Variants in NGLY1 observed in about 807,000 individuals in gnomAD.
NGLY1 encodes peptide-N(4)-(N-acetyl-beta-glucosaminyl)asparagine amidase.
NGLY1 carries 68 observed loss-of-function variants against 84.6 expected under a neutral mutation model. That is an observed-to-expected ratio of 0.80 (90% CI 0.66 to 0.98). The LOEUF is 0.98. Among genes scored for constraint, NGLY1 ranks in the 50% least tolerant of loss-of-function variants. The pLI is 0.00. For missense variants in NGLY1, 779 were observed against 770.2 expected (o/e 1.01, Z -0.14); for synonymous variants, 280 against 275.2 (o/e 1.02, Z -0.17).
Position 25,719,408 on chromosome 3 carries a change from C to G in NGLY1, c.*52G>C. ...ACTAAGCATGCACTGAACCAACAGA[C>G]TACTTCAGTAAGTCCTTGATTATTG... On this transcript the variant is annotated 3_prime_UTR_variant, in exon 12 of 12. Transcript: ENST00000280700. 1 of 1,525,092 alleles carries G rather than the reference C, an allele frequency of 6.6e-7. No homozygotes were observed. The highest frequency in any genetic ancestry group is 1.4e-5 in the African/African-American group (1 of 73,122). 94.5% of individuals were successfully genotyped at this position (1,525,092 alleles called of 1,614,324 possible). A position where few individuals can be genotyped will look rare whatever the true frequency, so the allele number is the denominator to read the frequency against.
At chr3:25,755,800 C>G in intron 3 of NGLY1, 1 of 594,642 alleles carries the variant, frequency 1.7e-6, no homozygotes, top group Non-Finnish European at 2.9e-6. Flanking sequence ...TTAGTTAAAA[C>G]TGTTAGATCT....
intron 3 of NGLY1, among the ~76,000 whole-genome samples, chr3:25,760,193 T>C (rs1313205582): frequency 6.6e-6 from 1 of 152,134 alleles, no homozygotes; most frequent in Non-Finnish European, 1.5e-5. Context: ...CACCCATAAT[T>C]TCATCACTCA....
Position 25,733,632 on chromosome 3 carries a change from A to T in NGLY1, c.1260+240T>A, listed in dbSNP as rs1488991. Among the ~76,000 whole-genome samples, 123,969 of 152,086 alleles carry T rather than the reference A, an allele frequency of 0.82. 50,923 individuals are homozygous for T. Among genetic ancestry groups the T allele is most frequent in the East Asian group, 0.94 (4,874 of 5,182 alleles). ...CTACCAATACTGAAATTTTGTTTCA[A>T]AGAACTTTGAAATGAGACAGTTTAA... On this transcript the variant is annotated intron_variant, in intron 8 of 11. Transcript: ENST00000280700.
At chr3:25,758,908 G>C (rs1707172348) in intron 3 of NGLY1, among the ~76,000 whole-genome samples, 1 of 152,182 alleles carries the variant, frequency 6.6e-6, no homozygotes, top group Non-Finnish European at 1.5e-5. Context: ...TAAAGGTAAA[G>C]CTCTTAAACA....
rs115478113 is a variant in NGLY1, at chr3:25,743,937, G to A, written c.659-4138C>T. ...AAATAAAAGTAGATTCCTGTATGAT[G>A]AAAGCTCAGAAATCTCAGAGATAAG... On this transcript the variant is annotated intron_variant, in intron 4 of 11. Transcript: ENST00000280700. Among the ~76,000 whole-genome samples the A allele has an allele frequency of 2.5e-3, 385 of 152,290 alleles. 5 individuals are homozygous for A. Among genetic ancestry groups the A allele is most frequent in the African/African-American group, 8.6e-3 (357 of 41,580 alleles).
chr3:25,760,782 C>A (rs1707277304), intron 3 of NGLY1, among the ~76,000 whole-genome samples: 1 of 149,372 alleles, frequency 6.7e-6, no homozygotes, highest in South Asian at 2.1e-4. Flanking sequence ...ATCACTTGAA[C>A]CCAGGAGGCA....
At chr3:25,737,237 G>A (rs2125478404) in intron 6 of NGLY1, 97 bp downstream of exon 6, 1 of 1,065,174 alleles carries the variant, frequency 9.4e-7, no homozygotes, top group Non-Finnish European at 1.3e-6. Flanking sequence ...AGACTGACAA[G>A]GCCAAAAAGT....
intron 4 of NGLY1, chr3:25,749,843 G>A: frequency 9.6e-7 from 1 of 1,042,228 alleles, no homozygotes; most frequent in Non-Finnish European, 1.5e-6. Context: ...CACCCAGCTG[G>A]CCATCAGAGT....
Position 25,749,936 on chromosome 3 carries a change from A to G in NGLY1, c.658+1162T>C, listed in dbSNP as rs1272083618. 3 of 556,756 alleles carry G rather than the reference A, an allele frequency of 5.4e-6. No homozygotes were observed. In the East Asian group the frequency reaches 9.3e-5, roughly 17 times the overall value. The allele number at this position is 556,756 out of a possible 1,614,324, so 34.5% of individuals were successfully genotyped here. On this transcript the variant is annotated intron_variant, in intron 4 of 11. Transcript: ENST00000280700. ...TGTTTTGTGTTTAAATAAAACTGTA[A>G]AAACTGCCAAAAAAAAAAAAAAAAG... is the stretch of plus-strand genomic sequence containing the variant.
intron 5 of NGLY1, among the ~76,000 whole-genome samples, chr3:25,738,418 T>C (rs888177682): frequency 6.6e-6 from 1 of 152,004 alleles, no homozygotes; most frequent in Non-Finnish European, 1.5e-5. Flanking sequence ...AACACTAAAT[T>C]TTGCATTTTG....
chr3:25,776,258 C>T (rs779550025), intron 2 of NGLY1, among the ~76,000 whole-genome samples: 17 of 152,164 alleles, frequency 1.1e-4, no homozygotes, highest in Non-Finnish European at 2.4e-4. Context: ...AAAACCAGGA[C>T]AGTACTGAGC....
chr3:25,788,253 G>A (rs530500789), upstream of NGLY1, among the ~76,000 whole-genome samples: 1 of 152,346 alleles, frequency 6.6e-6, no homozygotes, highest in South Asian at 2.1e-4. Context: ...TGTATAGTGA[G>A]AAAATCAGTT....
chr3:25,744,048 T>A (rs1177845616), intron 4 of NGLY1, among the ~76,000 whole-genome samples: 7 of 152,202 alleles, frequency 4.6e-5, no homozygotes, highest in African/African-American at 1.4e-4. Context: ...AAAGTTACCA[T>A]CTTCAAAAAT....
intron 1 of NGLY1, among the ~76,000 whole-genome samples, chr3:25,779,323 C>G (rs1022651665): frequency 2.6e-5 from 4 of 152,110 alleles, no homozygotes; most frequent in Admixed American, 2.6e-4. Context: ...GAATAGTACA[C>G]TTGGGACAAG....
In NGLY1 at chr3:25,783,297, A is replaced by G. The variant is rs1328687103; in HGVS notation, c.94T>C (p.Ser32Pro). 1 of 1,608,622 alleles carries G rather than the reference A, an allele frequency of 6.2e-7. No individual in the cohort carries two copies. The highest frequency in any genetic ancestry group is 1.7e-5 in the Admixed American group (1 of 59,754). The change falls in exon 1 of 12, where the codon TCC becomes CCC. Residue 32 changes from serine to proline, a missense_variant. Physicochemically the swap from Ser to Pro is moderately conservative, Grantham distance 74. Coordinates refer to ENST00000280700, the MANE Select transcript of NGLY1 (RefSeq NM_018297.4). The surrounding 1 kb of genome is among the most constrained non-coding windows in gnomAD (Gnocchi z 4.5). Reference protein sequence around the residue: ...QNTPETFLEASKLLLTYADNI... With the variant: ...QNTPETFLEAPKLLLTYADNI... The stretch of plus-strand genomic sequence containing the variant: ...TCAGCATAGGTGAGCAGCAGCTTGG[A>G]GGCCTCCAAAAAGGTCTCCGGGGTG...
chr3:25,720,305 TAA>T lies in NGLY1; in HGVS notation c.1612-116_1612-115del, dbSNP rs1398545171. ...AGGGTAGTATGTACAAGTGGTTATT[TAA>T]AAACTAACTTTTCCCTGTTGAAAAG... On this transcript the variant is annotated intron_variant, in intron 10 of 11. Coordinates refer to ENST00000280700, the MANE Select transcript of NGLY1 (RefSeq NM_018297.4). The T allele has an allele frequency of 5.1e-6, 4 of 787,780 alleles. No individual in the cohort carries two copies. In the East Asian group the frequency reaches 1.2e-4, roughly 23 times the overall value. The allele number at this position is 787,780 out of a possible 1,614,324, so 48.8% of individuals were successfully genotyped here. A position where few individuals can be genotyped will look rare whatever the true frequency, so the allele number is the denominator to read the frequency against.
rs896436144 is a variant in NGLY1, at chr3:25,783,402, A to G, written c.-12T>C. 7.2e-6 allele frequency: 11 copies of G among 1,524,446 alleles called. No homozygotes were observed. The highest frequency in any genetic ancestry group is 2.7e-5 in the East Asian group (1 of 37,430). 94.4% of individuals were successfully genotyped at this position (1,524,446 alleles called of 1,614,324 possible). On this transcript the variant is annotated 5_prime_UTR_variant, in exon 1 of 12. Transcript: ENST00000280700. This position sits in a 1 kb window ranked among gnomAD's most constrained non-coding sequence, Gnocchi z 4.5. The stretch of plus-strand genomic sequence containing the variant: ...GCCGCCGCCGCCATGCTTGAGCGCC[A>G]GCGGGCGCCGCCGCCGCCCCTCGCT...
intron 4 of NGLY1, among the ~76,000 whole-genome samples, chr3:25,746,913 T>G (rs1438401486): frequency 1.3e-5 from 2 of 152,210 alleles, no homozygotes; most frequent in Non-Finnish European, 2.9e-5. Context: ...CACTGCAACC[T>G]CCGCCTTCCG....
intron 3 of NGLY1, among the ~76,000 whole-genome samples, chr3:25,757,795 A>G (rs903294471): frequency 1.3e-5 from 2 of 152,248 alleles, no homozygotes; most frequent in Non-Finnish European, 2.9e-5. Flanking sequence ...TTGTCTGACA[A>G]GTAAAACAAT....
Sources: gnomAD v4.1 joint callset for allele counts (sites outside exome capture counted in the v4.1 genomes callset) on GRCh38, gnomAD v4.1.1 for gene constraint, Gnocchi (gnomAD v3.1) non-coding constraint, MANE v1.5 for transcripts, NCBI Gene and HGNC (gene_info 2026-07-23, HGNC 2026-07-21) for gene names.